The following DAB1 variants were observed in gnomAD, a reference collection of about 807,000 sequenced individuals.
DAB1 encodes the protein disabled homolog 1.
DAB1 carries 15 observed loss-of-function variants against 64.6 expected under a neutral mutation model. The observed-to-expected ratio is 0.23, with a 90% CI of 0.16 to 0.36. The LOEUF (loss-of-function observed/expected upper bound fraction) is 0.36, where lower values mean the gene tolerates loss of function less well. Ranked by LOEUF, DAB1 falls within the 10% of genes least tolerant of loss-of-function variation. The probability of loss-of-function intolerance (pLI) is 1.00; values close to 1 mark genes in which losing one functional copy is unlikely to be tolerated. For missense variants in DAB1, 596 were observed against 706.7 expected (o/e 0.84, Z 1.78); for synonymous variants, 235 against 251.9 (o/e 0.93, Z 0.64).
chr1:58,337,288 A>G (rs1187288206), intron 4 of DAB1, among the ~76,000 whole-genome samples: 1 of 151,178 alleles, frequency 6.6e-6, no homozygotes, highest in Non-Finnish European at 1.5e-5. Context: ...TCTCAAAGAA[A>G]AAAAAAAAAA....
chr1:58,447,245 G>A lies in DAB1; in HGVS notation n.257+58815C>T, dbSNP rs192500589. Among the ~76,000 whole-genome samples the A allele has an allele frequency of 3.3e-4, 50 of 152,192 alleles. No individual in the cohort carries two copies. In the East Asian group the frequency reaches 7.5e-3, roughly 23 times the overall value. On this transcript the variant is annotated intron_variant and non_coding_transcript_variant, in intron 3 of 20. Coordinates refer to the DAB1 transcript ENST00000485760. ...TGAAAGAATAGTAGCAAGGGGTGGC[G>A]GGAATTGCACCGGCTCCTGAGGGGA... is the stretch of plus-strand genomic sequence containing the variant.
intron 7 of DAB1, among the ~76,000 whole-genome samples, chr1:57,489,261 A>C (rs1034678561): frequency 6.6e-6 from 1 of 152,164 alleles, no homozygotes; most frequent in Non-Finnish European, 1.5e-5. Flanking sequence ...AAACAAAGAA[A>C]CCAACATCCC....
intron 1 of DAB1, chr1:57,860,831 C>A (rs944042560): frequency 3.9e-5 from 6 of 152,180 alleles, no homozygotes; most frequent in African/African-American, 1.4e-4. Context: ...CTCCATATGC[C>A]AGAAGGAAAA....
chr1:57,513,838 A>G (rs567014560), intron 7 of DAB1, among the ~76,000 whole-genome samples: 2 of 152,242 alleles, frequency 1.3e-5, no homozygotes, highest in East Asian at 1.9e-4. Context: ...TATCTCTCCA[A>G]CACTCTCTTC....
At chr1:57,273,604 TTCCTTCCTTCCCTCCCTCCCTCCC>T (rs1671217115) in intron 2 of DAB1, among the ~76,000 whole-genome samples, 1 of 112,804 alleles carries the variant, frequency 8.9e-6, no homozygotes, top group Non-Finnish European at 1.8e-5. Flanking sequence ...CCTTCCTTCC[TTCCTTCCTTCCCTCCCTCCCTCCC>T]TCCCTCCCTC....
intron 4 of DAB1, among the ~76,000 whole-genome samples, chr1:58,291,759 G>A (rs907810529): frequency 2.6e-5 from 4 of 152,128 alleles, no homozygotes; most frequent in African/African-American, 7.2e-5. Flanking sequence ...ACATAGAGAC[G>A]TTAACTTCCT....
intron 9 of DAB1, among the ~76,000 whole-genome samples, chr1:57,056,894 C>T (rs1277128288): frequency 6.6e-6 from 1 of 151,816 alleles, no homozygotes; most frequent in Non-Finnish European, 1.5e-5. Context: ...GGTAGAAATA[C>T]ATTCGAAAAA....
chr1:57,149,521 C>T (rs930029507), intron 2 of DAB1, among the ~76,000 whole-genome samples: 4 of 152,162 alleles, frequency 2.6e-5, no homozygotes, highest in South Asian at 2.1e-4. Context: ...TTTACTTTAG[C>T]CATCCTAGTA....
At chr1:57,326,942 A>ATTTT (rs1255917502) in intron 1 of DAB1, among the ~76,000 whole-genome samples, 1 of 151,342 alleles carries the variant, frequency 6.6e-6, no homozygotes, top group African/African-American at 2.4e-5. Context: ...TTATTTATTT[A>ATTTT]TTTATTTATT....
At chr1:58,126,897 T>C (rs1398541998) in intron 5 of DAB1, among the ~76,000 whole-genome samples, 5 of 145,564 alleles carry the variant, frequency 3.4e-5, no homozygotes, top group Admixed American at 2.7e-4. Flanking sequence ...TTTGCTATTG[T>C]GAATAATGCC....
intron 7 of DAB1, among the ~76,000 whole-genome samples, chr1:57,448,048 G>A (rs1686212853): frequency 6.6e-6 from 1 of 152,134 alleles, no homozygotes; most frequent in Non-Finnish European, 1.5e-5. Flanking sequence ...TAATTGCAAA[G>A]GATCCCCACT....
At chr1:57,035,866 A>G (rs1000456473) in intron 9 of DAB1, among the ~76,000 whole-genome samples, 6 of 96,802 alleles carry the variant, frequency 6.2e-5, no homozygotes, top group African/African-American at 2.8e-4. Flanking sequence ...TTTTTTTGAG[A>G]CAGGGTCTCA....
At chr1:58,537,062 TTC>T (rs150887072) in intron 1 of DAB1, among the ~76,000 whole-genome samples, 229 of 145,290 alleles carry the variant, frequency 1.6e-3, no homozygotes, top group East Asian at 4.8e-3. Context: ...ACATGCAAAA[TTC>T]TCTCTCTCTC....
chr1:57,877,577 G>A lies in DAB1; in HGVS notation n.87+6422C>T, dbSNP rs374053317. On this transcript the variant is annotated intron_variant and non_coding_transcript_variant, in intron 1 of 1. Coordinates refer to the DAB1 transcript ENST00000477280. Reference sequence around the variant, plus strand: ...TTTTTTTTTTTTTTTTTTTTGAGACGGAGTCTCGCTCTGTCGCCCAGGCCG... The same window carrying A: ...TTTTTTTTTTTTTTTTTTTTGAGACAGAGTCTCGCTCTGTCGCCCAGGCCG... Among the ~76,000 whole-genome samples the A allele has an allele frequency of 2.8e-4, 5 of 18,086 alleles. 1 individual carries two copies. In the Admixed American group the frequency reaches 3.1e-3, roughly 11 times the overall value. The allele number at this position is 18,086 out of a possible 152,430, so 11.9% of individuals were successfully genotyped here.
intron 7 of DAB1, among the ~76,000 whole-genome samples, chr1:57,491,985 C>A (rs2691466): frequency 6.6e-6 from 1 of 151,446 alleles, no homozygotes; most frequent in Non-Finnish European, 1.5e-5. Flanking sequence ...ATGTGACTGA[C>A]ACATTCGGCT....
intron 3 of DAB1, among the ~76,000 whole-genome samples, chr1:58,455,427 T>C (rs1463297082): frequency 6.6e-6 from 1 of 152,202 alleles, no homozygotes; most frequent in Non-Finnish European, 1.5e-5. Flanking sequence ...GCTGCAGCAG[T>C]CAGAGATGGT....
intron 5 of DAB1, among the ~76,000 whole-genome samples, chr1:57,997,825 C>G (rs1646449048): frequency 6.6e-6 from 1 of 151,572 alleles, no homozygotes. Flanking sequence ...TCATTGGTCC[C>G]CAATTTGATC....
chr1:58,185,748 A>T (rs1657037991), intron 4 of DAB1, among the ~76,000 whole-genome samples: 4 of 152,010 alleles, frequency 2.6e-5, no homozygotes, highest in Admixed American at 1.3e-4. Context: ...CCTCAAAGAG[A>T]TGGGGGAAGT....
At chr1:57,937,874 A>G (rs1158352374) in intron 5 of DAB1, among the ~76,000 whole-genome samples, 1 of 152,074 alleles carries the variant, frequency 6.6e-6, no homozygotes, top group Admixed American at 6.5e-5. Flanking sequence ...CTTCTGTTTC[A>G]GGAGGAGGAG....
Sources: gnomAD v4.1 joint callset for allele counts (sites outside exome capture counted in the v4.1 genomes callset) on GRCh38, gnomAD v4.1.1 for gene constraint, MANE v1.5 for transcripts, NCBI Gene and HGNC (gene_info 2026-07-23, HGNC 2026-07-21) for gene names.